The following GLB1 variants were observed in gnomAD, a reference collection of about 807,000 sequenced individuals.
The protein encoded by GLB1 is beta-galactosidase.
Under a neutral mutation model 74.0 loss-of-function variants are expected in GLB1, and 56 were observed. The observed-to-expected ratio is 0.76, with a 90% confidence interval of 0.61 to 0.94. The LOEUF (loss-of-function observed/expected upper bound fraction) is 0.94, where lower values mean the gene tolerates loss of function less well. GLB1 is among the 40% of genes least tolerant of loss of function. The probability of loss-of-function intolerance (pLI) is 0.00; values close to 1 mark genes in which losing one functional copy is unlikely to be tolerated. For missense variants in GLB1, 787 were observed against 845.5 expected (o/e 0.93, Z 0.86); for synonymous variants, 323 against 323.6 (o/e 1.00, Z 0.02).
intron 10 of GLB1, chr3:33,030,798 C>T (rs1018320381): frequency 1.5e-5 from 15 of 985,366 alleles, no homozygotes; most frequent in Non-Finnish European, 1.6e-5. Flanking sequence ...GGAACTCTTA[C>T]GTTGATGGAA....
intron 10 of GLB1, among the ~76,000 whole-genome samples, chr3:33,029,556 A>G (rs1697920475): frequency 6.6e-6 from 1 of 152,184 alleles, no homozygotes; most frequent in Non-Finnish European, 1.5e-5. Context: ...AACCTAAATG[A>G]CAATCAATGG....
the GLB1 span, among the ~76,000 whole-genome samples, chr3:32,990,965 CTCTG>C: frequency 4.6e-5 from 7 of 151,966 alleles, no homozygotes; most frequent in East Asian, 1.3e-3. Flanking sequence ...CAGAGTGAGA[CTCTG>C]TCTAAAAATA....
At chr3:33,092,633 C>T (rs1575499368) in intron 1 of GLB1, 1 of 1,360,490 alleles carries the variant, frequency 7.4e-7, no homozygotes. Flanking sequence ...AAAAAAGCAA[C>T]TGGCCAAGGA....
At chr3:33,096,809 A>G in intron 1 of GLB1, 1 of 1,359,836 alleles carries the variant, frequency 7.4e-7, no homozygotes, top group Non-Finnish European at 9.4e-7. Flanking sequence ...GCTGCCTGGA[A>G]GGACGCGCGC....
At chr3:33,001,670 G>A (rs1221380714) in intron 15 of GLB1, among the ~76,000 whole-genome samples, 3 of 152,152 alleles carry the variant, frequency 2.0e-5, no homozygotes, top group Non-Finnish European at 4.4e-5. Flanking sequence ...TTTGTTTGAG[G>A]CGAGATTCTC....
At chr3:32,980,018 C>A in the GLB1 span, among the ~76,000 whole-genome samples, 1 of 152,060 alleles carries the variant, frequency 6.6e-6, no homozygotes, top group Non-Finnish European at 1.5e-5. Flanking sequence ...ATGATCAAAT[C>A]AGTATAATTA....
In GLB1 at chr3:33,045,243, C is replaced by T. The variant is rs1469107505; in HGVS notation, c.1068+877G>A. The T allele has an allele frequency of 9.7e-6, 6 of 618,956 alleles. No individual in the cohort carries two copies. The African/African-American group carries it at 1.0e-4, about 11-fold the overall frequency. The allele number at this position is 618,956 out of a possible 1,614,324, so 38.3% of individuals were successfully genotyped here. ...GTAGACTGATTTGCTCATAGACTCA[C>T]TCTTTTTTTTTTTTAGGTAAATAAA... On this transcript the variant is annotated intron_variant, in intron 10 of 15. Coordinates refer to ENST00000307363, the MANE Select transcript of GLB1 (RefSeq NM_000404.4).
rs375300154 is a variant in GLB1, at chr3:33,014,160, A to G, written c.1630T>C (p.Ser544Pro). Residue 544 changes from serine to proline, a missense_variant, in exon 15 of 16, where the codon TCC becomes CCC. Transcript: ENST00000307363. Reference sequence around the variant, plus strand: ...TAAAAGGCCGGGAGCGTGTAGTTGGATGAGTTGTGGGCCCAGGCTTCATCA... The same window carrying G: ...TAAAAGGCCGGGAGCGTGTAGTTGGGTGAGTTGTGGGCCCAGGCTTCATCA... ...HHDEAWAHNS[S>P]NYTLPAFYMG... 6.2e-7 allele frequency: 1 copy of G among 1,613,934 alleles called. No individual in the cohort carries two copies. The highest frequency in any genetic ancestry group is 8.5e-7 in the Non-Finnish European group (1 of 1,180,008).
chr3:32,966,416 T>G, the GLB1 span, among the ~76,000 whole-genome samples: 1 of 152,214 alleles, frequency 6.6e-6, no homozygotes, highest in Non-Finnish European at 1.5e-5. Context: ...TTTGGCCGAT[T>G]TCTCCCATTT....
intron 1 of GLB1, among the ~76,000 whole-genome samples, chr3:33,078,146 AG>A (rs1253975277): frequency 6.6e-6 from 1 of 152,202 alleles, no homozygotes; most frequent in Non-Finnish European, 1.5e-5. Flanking sequence ...CAGGAGGCTG[AG>A]GCAGGAAGAT....
chr3:33,053,313 TTC>T, intron 7 of GLB1, among the ~76,000 whole-genome samples, 176 bp downstream of exon 7: 3 of 152,166 alleles, frequency 2.0e-5, no homozygotes, highest in Non-Finnish European at 4.4e-5. Context: ...GGAGCTCAAT[TTC>T]AAATAGAAAC....
At chr3:33,090,511 T>G (rs999350674) in intron 1 of GLB1, 61 of 985,294 alleles carry the variant, frequency 6.2e-5, no homozygotes, top group Non-Finnish European at 7.2e-5. Context: ...CAAAAAGCAT[T>G]GCATTTCAAT....
intron 9 of GLB1, among the ~76,000 whole-genome samples, 155 bp downstream of exon 9, chr3:33,051,603 C>CAAAAAA (rs59740209): frequency 5.1e-4 from 38 of 74,326 alleles, no homozygotes; most frequent in South Asian, 1.0e-3. Context: ...AGACTGTCTA[C>CAAAAAA]AAAAAAAAAA....
chr3:33,023,692 CT>C (rs1341346039), intron 11 of GLB1, among the ~76,000 whole-genome samples: 2 of 152,078 alleles, frequency 1.3e-5, no homozygotes, highest in East Asian at 3.8e-4. Context: ...AACCTCTCTT[CT>C]TTTTCGCTTT....
intron 15 of GLB1, among the ~76,000 whole-genome samples, chr3:32,999,106 G>A (rs571555981): frequency 2.0e-5 from 3 of 152,318 alleles, no homozygotes; most frequent in Non-Finnish European, 2.9e-5. Context: ...GCCTACAAAA[G>A]AAGGGGGTCC....
rs1353598290 is a variant in GLB1 at position 33,002,275 on chromosome 3, TTGTC to T, written c.1735-4935_1735-4932del. On this transcript the variant is annotated intron_variant, in intron 15 of 15. Coordinates refer to ENST00000307363, the MANE Select transcript of GLB1 (RefSeq NM_000404.4). ...TTGTTGATCAGACAGATACATGTGTTTGTCTGTCTGTTTTAAACTATCTGGATAA... is the reference window on the plus strand; with the variant it reads ...TTGTTGATCAGACAGATACATGTGTTTGTCTGTTTTAAACTATCTGGATAA... Among the ~76,000 whole-genome samples, 6 of 152,064 alleles carry T rather than the reference TTGTC, an allele frequency of 3.9e-5. No homozygotes were observed. In the East Asian group the frequency reaches 7.7e-4, roughly 20 times the overall value.
rs1461790939 is a variant in GLB1, at chr3:33,051,960, T to C, written c.837A>G (p.Gln279=). The C allele has an allele frequency of 1.2e-6, 2 of 1,614,100 alleles. No individual in the cohort carries two copies. Among genetic ancestry groups the C allele is most frequent in the African/African-American group, 2.7e-5 (2 of 74,924 alleles). The part of the protein sequence containing the change: ...FYTGWLDHWG[Q]PHSTIKTEAV... Reference sequence around the variant, plus strand: ...CTTCGGTCTTGATTGTGGAGTGAGGTTGGCCCCAGTGATCTAGCCAGCCAG... The same window carrying C: ...CTTCGGTCTTGATTGTGGAGTGAGGCTGGCCCCAGTGATCTAGCCAGCCAG... The change falls in exon 8 of 16, where the codon CAA becomes CAG. Residue 279 remains glutamine, a synonymous_variant. Transcript: ENST00000307363.
At chr3:33,087,071 G>C (rs1204955361) in intron 1 of GLB1, among the ~76,000 whole-genome samples, 1 of 151,062 alleles carries the variant, frequency 6.6e-6, no homozygotes, top group African/African-American at 2.4e-5. Context: ...AAATAAATCA[G>C]AAATGAAGAG....
Position 33,053,665 on chromosome 3 carries a change from T to C in GLB1, c.734-116A>G, listed in dbSNP as rs1575453981. On this transcript the variant is annotated intron_variant, in intron 6 of 15. Transcript: ENST00000307363. ...CCCTGCTACGGTCAGAATGTTAGTA[T>C]CCCCCCAAAATTCTCATGTTGGAAC... 6 of 1,324,346 alleles carry C rather than the reference T, an allele frequency of 4.5e-6. No homozygotes were observed. In the East Asian group the frequency reaches 2.0e-4, roughly 44 times the overall value. 82.0% of individuals were successfully genotyped at this position (1,324,346 alleles called of 1,614,324 possible). A position where few individuals can be genotyped will look rare whatever the true frequency, so the allele number is the denominator to read the frequency against.
Sources: gnomAD v4.1 joint callset for allele counts (sites outside exome capture counted in the v4.1 genomes callset) on GRCh38, gnomAD v4.1.1 for gene constraint, MANE v1.5 for transcripts, NCBI Gene and HGNC (gene_info 2026-07-23, HGNC 2026-07-21) for gene names.